GRIP2: variants seen among roughly 807,000 people sequenced by gnomAD.
GRIP2 encodes the protein glutamate receptor interacting protein 2.
GRIP2 carries 58 observed loss-of-function variants against 108.3 expected under a neutral mutation model. The observed-to-expected ratio is 0.54, with a 90% CI of 0.43 to 0.67. GRIP2 has a LOEUF of 0.67. Among genes scored for constraint, GRIP2 ranks in the 30% least tolerant of loss-of-function variants. GRIP2 has a pLI of 0.00. For synonymous variants in GRIP2, 586 were observed against 598.2 expected (o/e 0.98, Z 0.30); for missense variants, 1,278 against 1,430.6 (o/e 0.89, Z 1.72).
At chr3:14,559,685 T>C (rs1695289477), upstream of GRIP2, among the ~76,000 whole-genome samples, 1 of 141,714 alleles carries the variant, frequency 7.1e-6, no homozygotes, top group South Asian at 2.4e-4. Flanking sequence ...TCCCAGAAGA[T>C]CCAGGTCCCA....
intron 1 of GRIP2, among the ~76,000 whole-genome samples, chr3:14,527,810 C>T (rs960672376): frequency 1.3e-5 from 2 of 152,090 alleles, no homozygotes; most frequent in Non-Finnish European, 2.9e-5. Context: ...GCCGGAGAAT[C>T]GCTTGAACCC....
intron 1 of GRIP2, among the ~76,000 whole-genome samples, chr3:14,537,725 T>C (rs570442095): frequency 6.6e-6 from 1 of 152,218 alleles, no homozygotes; most frequent in Admixed American, 6.5e-5. Context: ...GTAGGCCTGG[T>C]GAGGGCCCCT....
intron 3 of GRIP2, among the ~76,000 whole-genome samples, chr3:14,525,045 G>A (rs1304648023): frequency 1.3e-5 from 2 of 152,212 alleles, no homozygotes; most frequent in Non-Finnish European, 2.9e-5. Flanking sequence ...CAGTGCAGCT[G>A]CCTTGGCCTC....
In GRIP2 at chr3:14,513,777, C is replaced by T; in HGVS notation, c.1527G>A (p.Leu509=). Residue 509 remains leucine (L), a synonymous_variant, in exon 13 of 24, where the codon CTG becomes CTA. Transcript: ENST00000621039. ...CGLLQVGDRV[L]SINGIATEDG... Reference sequence around the variant, plus strand: ...CCTCGGTGGCAATGCCATTGATGGACAGGACACGGTCCCCCACCTGCAGCA... The same window carrying T: ...CCTCGGTGGCAATGCCATTGATGGATAGGACACGGTCCCCCACCTGCAGCA... 1 of 1,612,824 alleles carries T rather than the reference C, an allele frequency of 6.2e-7. No individual in the cohort carries two copies. The highest frequency in any genetic ancestry group is 8.5e-7 in the Non-Finnish European group (1 of 1,179,552).
the GRIP2 span, among the ~76,000 whole-genome samples, chr3:14,563,820 T>C: frequency 6.6e-6 from 1 of 152,146 alleles, no homozygotes; most frequent in Admixed American, 6.5e-5. Flanking sequence ...CCCCAGTGAT[T>C]CTACTGAACA....
upstream of GRIP2, among the ~76,000 whole-genome samples, chr3:14,558,223 C>A (rs181240516): frequency 6.6e-6 from 1 of 152,316 alleles, no homozygotes; most frequent in East Asian, 1.9e-4. Flanking sequence ...AGCATGCATG[C>A]GGCAAAACAG....
In GRIP2 at chr3:14,512,730, C is replaced by G. The variant is rs749102721; in HGVS notation, c.1720+47G>C. 6.4e-7 allele frequency: 1 copy of G among 1,555,034 alleles called. No homozygotes were observed. Among genetic ancestry groups the G allele is most frequent in the Admixed American group, 1.7e-5 (1 of 59,246 alleles). On this transcript the variant is annotated intron_variant, in intron 14 of 23. Transcript: ENST00000621039. This position sits in a 1 kb window ranked among gnomAD's most constrained non-coding sequence, Gnocchi z 5.1. ...AGCTTGGCAAGCTCTTTTTCCCCAG[C>G]AGTTGAGCTCGCTCCCAGGGGCAAA...
chr3:14,555,984 G>A (rs1695232473), exon 1 of GRIP2: 1 of 398,986 alleles, frequency 2.5e-6, no homozygotes, highest in Middle Eastern at 6.3e-4. Flanking sequence ...GCAGAGCCCT[G>A]TGCAGCCTGC....
intron 13 of GRIP2, 108 bp downstream of exon 13, chr3:14,513,557 G>A: frequency 1.4e-6 from 2 of 1,379,454 alleles, no homozygotes; most frequent in Non-Finnish European, 2.0e-6. Flanking sequence ...GAAGGGCACT[G>A]GGCACAGAGG....
At chr3:14,547,150 TAAAG>T (rs1362099078) in intron 1 of GRIP2, among the ~76,000 whole-genome samples, 1 of 151,546 alleles carries the variant, frequency 6.6e-6, no homozygotes, top group African/African-American at 2.4e-5. Context: ...AGTGTCACAT[TAAAG>T]AAAGAAAGGA....
At chr3:14,530,552 T>C (rs1694683125) in intron 1 of GRIP2, among the ~76,000 whole-genome samples, 1 of 152,226 alleles carries the variant, frequency 6.6e-6, no homozygotes, top group Admixed American at 6.5e-5. Context: ...GAACACTGTG[T>C]ACTTGTATGA....
intron 1 of GRIP2, among the ~76,000 whole-genome samples, chr3:14,532,736 G>A (rs1203518671): frequency 6.6e-6 from 1 of 152,110 alleles, no homozygotes; most frequent in Non-Finnish European, 1.5e-5. Flanking sequence ...CTGACTTAAG[G>A]GCTGGGCGCA....
intron 1 of GRIP2, among the ~76,000 whole-genome samples, chr3:14,549,231 T>A (rs1179076031): frequency 6.6e-6 from 1 of 152,242 alleles, no homozygotes; most frequent in African/African-American, 2.4e-5. Context: ...CTTCTAACAC[T>A]GTAGTTCAAT....
Position 14,513,816 on chromosome 3 carries a change from C to G in GRIP2, c.1494-6G>C. On this transcript the variant is annotated splice_region_variant and splice_polypyrimidine_tract_variant and intron_variant, in intron 12 of 23. Coordinates refer to ENST00000621039, the MANE Select transcript of GRIP2 (RefSeq NM_001080423.4). ...CCACCTGCAGCAGCCCACACCTGAA[C>G]CCAGGGGGCCCGGCAGAGAGAAGAG... is the stretch of plus-strand genomic sequence containing the variant. 6.2e-7 allele frequency: 1 copy of G among 1,611,566 alleles called. No homozygotes were observed. The highest frequency in any genetic ancestry group is 8.5e-7 in the Non-Finnish European group (1 of 1,178,798).
At chr3:14,496,207 G>T (rs1255947096) in intron 22 of GRIP2, among the ~76,000 whole-genome samples, 5 of 152,166 alleles carry the variant, frequency 3.3e-5, no homozygotes, top group African/African-American at 1.2e-4. Flanking sequence ...TCTACTTAAA[G>T]AAAAATAATA....
chr3:14,540,810 G>C (rs1694953410), upstream of GRIP2, among the ~76,000 whole-genome samples: 2 of 152,168 alleles, frequency 1.3e-5, no homozygotes, highest in Non-Finnish European at 2.9e-5. This position sits in a 1 kb window ranked among gnomAD's most constrained non-coding sequence, Gnocchi z 4.1. Flanking sequence ...GGGCGTCTCT[G>C]TAGGTCTCAG....
In GRIP2 at chr3:14,527,391, A is replaced by AGGAAAGGAAAGAAAG. The variant is rs72297166; in HGVS notation, c.41-1461_41-1460insCTTTCTTTCCTTTCC. On this transcript the variant is annotated intron_variant, in intron 1 of 23. Coordinates refer to ENST00000621039, the MANE Select transcript of GRIP2 (RefSeq NM_001080423.4). ...TTGAAAGGAAAGGAAAGGAAAGGAAAGAAAGGAAAGGAAAGAAGGAAAGCG... is the reference window on the plus strand; with the variant it reads ...TTGAAAGGAAAGGAAAGGAAAGGAAAGGAAAGGAAAGAAAGGAAAGGAAAGGAAAGAAGGAAAGCG... Among the ~76,000 whole-genome samples, 489 of 140,720 alleles carry AGGAAAGGAAAGAAAG rather than the reference A, an allele frequency of 3.5e-3. 2 individuals are homozygous for AGGAAAGGAAAGAAAG. Among genetic ancestry groups the AGGAAAGGAAAGAAAG allele is most frequent in the East Asian group, 7.2e-3 (33 of 4,566 alleles). The allele number at this position is 140,720 out of a possible 152,430, so 92.3% of individuals were successfully genotyped here. A position where few individuals can be genotyped will look rare whatever the true frequency, so the allele number is the denominator to read the frequency against.
At chr3:14,518,621 C>A (rs1313553876) in intron 9 of GRIP2, among the ~76,000 whole-genome samples, 2 of 152,244 alleles carry the variant, frequency 1.3e-5, no homozygotes, top group African/African-American at 4.8e-5. Flanking sequence ...TCTTCCCAGA[C>A]CGCCCCAGGC....
upstream of GRIP2, among the ~76,000 whole-genome samples, chr3:14,557,191 C>T (rs563881483): frequency 6.6e-6 from 1 of 152,182 alleles, no homozygotes; most frequent in East Asian, 1.9e-4. Context: ...TTCACCAGCA[C>T]GCAGGATTCC....
Sources: allele counts gnomAD v4.1 joint callset (sites outside exome capture counted in the v4.1 genomes callset), GRCh38; gene constraint gnomAD v4.1.1; non-coding constraint Gnocchi (gnomAD v3.1); transcripts MANE v1.5; gene names NCBI Gene and HGNC (gene_info 2026-07-23, HGNC 2026-07-21).